The following GABRG3 variants were observed in gnomAD, a reference collection of about 807,000 sequenced individuals.
GABRG3 encodes the protein gamma-aminobutyric acid receptor subunit gamma-3.
GABRG3 carries 25 observed loss-of-function variants against 48.8 expected under a neutral mutation model. The observed-to-expected ratio is 0.51, with a 90% confidence interval of 0.37 to 0.72. The LOEUF (loss-of-function observed/expected upper bound fraction) is 0.72. Among genes scored for constraint, GABRG3 ranks in the 30% least tolerant of loss-of-function variants. GABRG3 has a pLI of 0.00. For missense variants in GABRG3, 394 were observed against 577.9 expected (o/e 0.68, Z 3.26); for synonymous variants, 227 against 217.6 (o/e 1.04, Z -0.38).
chr15:27,360,710 G>C (rs905444123), intron 5 of GABRG3, among the ~76,000 whole-genome samples: 1 of 152,174 alleles, frequency 6.6e-6, no homozygotes, highest in African/African-American at 2.4e-5. Flanking sequence ...AGATCTGCAA[G>C]GGCAGCCCCT....
At chr15:27,475,894 G>A (rs918063435) in intron 5 of GABRG3, among the ~76,000 whole-genome samples, 1 of 152,048 alleles carries the variant, frequency 6.6e-6, no homozygotes, top group Admixed American at 6.6e-5. Flanking sequence ...ATAGTGATGT[G>A]GTGGTGGTGA....
chr15:27,351,423 ATG>A (rs1049685849), intron 5 of GABRG3, among the ~76,000 whole-genome samples: 2 of 91,734 alleles, frequency 2.2e-5, no homozygotes, highest in Admixed American at 2.3e-4. Context: ...GTGTGTGTGT[ATG>A]TGTGTATGGT....
At chr15:27,378,114 A>T (rs1566813363) in intron 5 of GABRG3, among the ~76,000 whole-genome samples, 1 of 152,216 alleles carries the variant, frequency 6.6e-6, no homozygotes, top group African/African-American at 2.4e-5. Flanking sequence ...ACGGAAAGAA[A>T]AAAAAAAACA....
At chr15:27,529,943 C>G (rs1015894279) in intron 9 of GABRG3, among the ~76,000 whole-genome samples, 1 of 141,484 alleles carries the variant, frequency 7.1e-6, no homozygotes, top group Non-Finnish European at 1.5e-5. Context: ...AAAGGAAGTA[C>G]AAAGAAAAAT....
At chr15:27,312,928 A>C (rs1395603982) in intron 3 of GABRG3, among the ~76,000 whole-genome samples, 1 of 151,712 alleles carries the variant, frequency 6.6e-6, no homozygotes, top group Non-Finnish European at 1.5e-5. Flanking sequence ...AAAGTTAAAA[A>C]AAAGTATAAA....
chr15:27,286,324 A>G (rs1891610493), intron 3 of GABRG3, among the ~76,000 whole-genome samples: 1 of 152,212 alleles, frequency 6.6e-6, no homozygotes, highest in Non-Finnish European at 1.5e-5. Flanking sequence ...TCAGTTTGGA[A>G]GGTCCTGGAA....
intron 3 of GABRG3, among the ~76,000 whole-genome samples, chr15:27,059,588 T>A (rs1375354584): frequency 2.0e-5 from 3 of 152,248 alleles, no homozygotes; most frequent in Non-Finnish European, 4.4e-5. Flanking sequence ...CTTACGCTGT[T>A]AAGAAACCTA....
At position 26,976,747 on chromosome 15, in the gene GABRG3, C is replaced by T. The variant is rs1894955619; in HGVS notation, c.54-255C>T. On this transcript the variant is annotated intron_variant, in intron 1 of 9. Transcript: ENST00000615808. This position sits in a 1 kb window ranked among gnomAD's most constrained non-coding sequence, Gnocchi z 7.8. Reference sequence around the variant, plus strand: ...ACCTGCCACGTTGTCTGTAGTTTAACTGGGATGGGGGATGGTCTTCTGGCA... The same window carrying T: ...ACCTGCCACGTTGTCTGTAGTTTAATTGGGATGGGGGATGGTCTTCTGGCA... Among the ~76,000 whole-genome samples, 1 of 152,134 alleles carries T rather than the reference C, an allele frequency of 6.6e-6. No homozygotes were observed. The highest frequency in any genetic ancestry group is 6.5e-5 in the Admixed American group (1 of 15,276).
At chr15:27,376,425 T>C (rs141607682) in intron 5 of GABRG3, among the ~76,000 whole-genome samples, 1 of 152,306 alleles carries the variant, frequency 6.6e-6, no homozygotes, top group Non-Finnish European at 1.5e-5. Context: ...CACATTTTCC[T>C]TCTGCACTAC....
intron 3 of GABRG3, among the ~76,000 whole-genome samples, chr15:27,238,987 C>A (rs192498468): frequency 2.6e-5 from 4 of 152,018 alleles, no homozygotes; most frequent in African/African-American, 9.7e-5. Context: ...AATAACAGAG[C>A]GAGTCTCTCT....
chr15:27,000,997 G>T (rs1431167277), intron 2 of GABRG3, among the ~76,000 whole-genome samples: 1 of 152,120 alleles, frequency 6.6e-6, no homozygotes, highest in African/African-American at 2.4e-5. Context: ...TTTTTGGATG[G>T]TTACAAGTAG....
intron 3 of GABRG3, among the ~76,000 whole-genome samples, chr15:27,070,132 C>G (rs1480928589): frequency 1.3e-5 from 2 of 152,254 alleles, no homozygotes; most frequent in African/African-American, 4.8e-5. Flanking sequence ...CACGTGAGGA[C>G]AGGGCAAGTG....
chr15:27,125,327 G>C (rs1897801071), intron 3 of GABRG3, among the ~76,000 whole-genome samples: 1 of 152,052 alleles, frequency 6.6e-6, no homozygotes, highest in African/African-American at 2.4e-5. Context: ...GAGGAGAATA[G>C]AGGTTATTAG....
At chr15:27,296,921 C>T (rs1170552235) in intron 3 of GABRG3, among the ~76,000 whole-genome samples, 2 of 150,862 alleles carry the variant, frequency 1.3e-5, no homozygotes, top group African/African-American at 4.9e-5. Context: ...GCGCTGTTAT[C>T]GTAGGAGATG....
At chr15:27,416,528 G>C (rs746690562) in intron 5 of GABRG3, among the ~76,000 whole-genome samples, 5 of 152,124 alleles carry the variant, frequency 3.3e-5, no homozygotes, top group Non-Finnish European at 5.9e-5. Context: ...GAGCATGAGG[G>C]GCCTCCTATC....
rs1893346905 is a variant in GABRG3, at chr15:27,319,504, G to A, written c.271-7305G>A. ...TGCGGATAATTGTGATACGGCAGTT[G>A]AAGACATAGAGTGTTAACATAAGGA... is the stretch of plus-strand genomic sequence containing the variant. On this transcript the variant is annotated intron_variant, in intron 3 of 9. Coordinates refer to ENST00000615808, the MANE Select transcript of GABRG3 (RefSeq NM_033223.5). The surrounding 1 kb of genome is among the most constrained non-coding windows in gnomAD (Gnocchi z 4.4). Among the ~76,000 whole-genome samples the A allele has an allele frequency of 6.6e-6, 1 of 152,222 alleles. No homozygotes were observed. The highest frequency in any genetic ancestry group is 6.5e-5 in the Admixed American group (1 of 15,288).
rs1887704915 is a variant in GABRG3, at chr15:27,175,090, G to A, written c.270+148269G>A. Among the ~76,000 whole-genome samples the A allele has an allele frequency of 2.0e-5, 3 of 152,128 alleles. No individual in the cohort carries two copies. In the South Asian group the frequency reaches 6.2e-4, roughly 31 times the overall value. On this transcript the variant is annotated intron_variant, in intron 3 of 9. Coordinates refer to ENST00000615808, the MANE Select transcript of GABRG3 (RefSeq NM_033223.5). ...GGGGACCTTCTTCTGGGGATGGTGG[G>A]TTTTGCTGTTGTGAGGTCTCCCTGG...
chr15:26,994,767 T>C (rs1895309857), intron 2 of GABRG3, among the ~76,000 whole-genome samples: 1 of 152,024 alleles, frequency 6.6e-6, no homozygotes, highest in South Asian at 2.1e-4. Context: ...TTTACCACAT[T>C]TCCTTCTGTT....
chr15:27,428,188 CT>C (rs1888348463), intron 5 of GABRG3: 7 of 152,318 alleles, frequency 4.6e-5, no homozygotes, highest in African/African-American at 1.7e-4. Flanking sequence ...TGCTCCTGGA[CT>C]GTGCAATTTT....
Sources: allele counts gnomAD v4.1 joint callset (sites outside exome capture counted in the v4.1 genomes callset), GRCh38; gene constraint gnomAD v4.1.1; non-coding constraint Gnocchi (gnomAD v3.1); transcripts MANE v1.5; gene names NCBI Gene and HGNC (gene_info 2026-07-23, HGNC 2026-07-21).